The following LRMDA variants were observed in gnomAD, a reference collection of about 807,000 sequenced individuals.
LRMDA encodes leucine-rich melanocyte differentiation-associated protein.
A neutral mutation model predicts 29.8 loss-of-function variants in LRMDA; 18 were observed. That is an observed-to-expected ratio of 0.60 (90% CI 0.42 to 0.90). The LOEUF (loss-of-function observed/expected upper bound fraction) is 0.90. Ranked by LOEUF, LRMDA falls within the 40% of genes least tolerant of loss-of-function variation. LRMDA has a pLI of 0.00. For synonymous variants in LRMDA, 125 were observed against 109.4 expected (o/e 1.14, Z -0.89); for missense variants, 273 against 273.9 (o/e 1.00, Z 0.02).
chr10:76,297,968 C>T (rs573364651), intron 5 of LRMDA, among the ~76,000 whole-genome samples: 5 of 152,262 alleles, frequency 3.3e-5, no homozygotes, highest in African/African-American at 9.6e-5. Context: ...AAAATGCAGC[C>T]GCATGTGCCG....
intron 2 of LRMDA, among the ~76,000 whole-genome samples, chr10:75,509,305 G>T (rs1252075424): frequency 1.3e-5 from 2 of 152,102 alleles, no homozygotes; most frequent in Non-Finnish European, 2.9e-5. Flanking sequence ...ACACTCTTAA[G>T]CAATTTTACC....
At chr10:75,461,441 T>C (rs1396334452) in intron 2 of LRMDA, among the ~76,000 whole-genome samples, 1 of 152,104 alleles carries the variant, frequency 6.6e-6, no homozygotes, top group Non-Finnish European at 1.5e-5. Context: ...ATGGCCTACT[T>C]AGGGGAGAAG....
At chr10:75,585,906 A>G (rs1840649749) in intron 2 of LRMDA, among the ~76,000 whole-genome samples, 1 of 152,228 alleles carries the variant, frequency 6.6e-6, no homozygotes, top group Non-Finnish European at 1.5e-5. Context: ...GATACTTCAC[A>G]TAAGTGGAAT....
At chr10:75,550,114 A>T (rs1840124235) in intron 2 of LRMDA, among the ~76,000 whole-genome samples, 1 of 152,160 alleles carries the variant, frequency 6.6e-6, no homozygotes, top group Non-Finnish European at 1.5e-5. Context: ...TTGCTCAGAA[A>T]CTAGTCTGTC....
intron 5 of LRMDA, among the ~76,000 whole-genome samples, chr10:76,074,685 G>T (rs1321371047): frequency 1.3e-5 from 2 of 152,180 alleles, no homozygotes; most frequent in Non-Finnish European, 1.5e-5. Context: ...TTCCTATCAT[G>T]TCTGTAGCCC....
chr10:76,058,893 C>A, intron 5 of LRMDA, 110 bp downstream of exon 5: 1 of 833,226 alleles, frequency 1.2e-6, no homozygotes, highest in East Asian at 2.6e-5. Context: ...GTTGGAATCT[C>A]ACATGAAGGG....
intron 2 of LRMDA, among the ~76,000 whole-genome samples, chr10:75,661,268 C>T (rs1251954048): frequency 6.6e-6 from 1 of 152,186 alleles, no homozygotes; most frequent in East Asian, 1.9e-4. Context: ...GACCTGCACG[C>T]CTCGACTCTC....
intron 2 of LRMDA, among the ~76,000 whole-genome samples, chr10:75,814,173 G>T (rs1844017047): frequency 6.6e-6 from 1 of 152,194 alleles, no homozygotes; most frequent in Admixed American, 6.5e-5. Flanking sequence ...TTTTCTGTCT[G>T]GAAGACATGG....
chr10:76,544,815 T>G (rs1041287728), intron 6 of LRMDA, among the ~76,000 whole-genome samples: 2 of 151,892 alleles, frequency 1.3e-5, no homozygotes, highest in Non-Finnish European at 2.9e-5. Context: ...ATGAACATAT[T>G]TTACCATTTG....
chr10:75,463,115 C>T (rs1844607166), intron 2 of LRMDA, among the ~76,000 whole-genome samples: 1 of 152,172 alleles, frequency 6.6e-6, no homozygotes, highest in Non-Finnish European at 1.5e-5. Context: ...CCTGCATCCT[C>T]TTCTCTCTGC....
chr10:76,128,754 G>T (rs1215536170), intron 5 of LRMDA, among the ~76,000 whole-genome samples: 2 of 152,298 alleles, frequency 1.3e-5, no homozygotes, highest in East Asian at 3.9e-4. Context: ...CAAGGCGAGG[G>T]ACCTTTTTGG....
intron 5 of LRMDA, among the ~76,000 whole-genome samples, chr10:76,260,428 T>C (rs1839921244): frequency 6.6e-6 from 1 of 152,216 alleles, no homozygotes; most frequent in Admixed American, 6.5e-5. Context: ...TTATTTCTTC[T>C]TAATTTCTAA....
At chr10:76,136,622 A>AAAC (rs139686120) in intron 5 of LRMDA, among the ~76,000 whole-genome samples, 1 of 151,704 alleles carries the variant, frequency 6.6e-6, no homozygotes. Flanking sequence ...ATTAAAAAAA[A>AAAC]AGCAAAAATG....
At chr10:76,445,483 G>C (rs527843087) in intron 6 of LRMDA, among the ~76,000 whole-genome samples, 1 of 152,258 alleles carries the variant, frequency 6.6e-6, no homozygotes, top group East Asian at 1.9e-4. Context: ...TTATTTGTCT[G>C]TTACCTAAAC....
At chr10:76,404,987 G>A (rs1841888071) in intron 6 of LRMDA, among the ~76,000 whole-genome samples, 1 of 152,174 alleles carries the variant, frequency 6.6e-6, no homozygotes, top group Admixed American at 6.5e-5. Context: ...AAACTGGAAA[G>A]GCAAAAGGAA....
At chr10:75,602,852 T>C (rs1426844981) in intron 2 of LRMDA, among the ~76,000 whole-genome samples, 1 of 152,208 alleles carries the variant, frequency 6.6e-6, no homozygotes, top group Admixed American at 6.5e-5. Flanking sequence ...ATGAGTCTGT[T>C]CTCAAAAGCC....
intron 5 of LRMDA, among the ~76,000 whole-genome samples, chr10:76,205,618 T>A (rs760175679): frequency 2.0e-5 from 3 of 152,164 alleles, no homozygotes; most frequent in Non-Finnish European, 4.4e-5. Context: ...ATAATGCTAC[T>A]GAGAAAGTTA....
chr10:75,525,933 TAA>T (rs142153141), intron 2 of LRMDA, among the ~76,000 whole-genome samples: 1 of 151,958 alleles, frequency 6.6e-6, no homozygotes, highest in African/African-American at 2.4e-5. Flanking sequence ...TTCATTATAT[TAA>T]AAAAATTCCA....
chr10:76,298,227 A>G (rs140145937), intron 5 of LRMDA, among the ~76,000 whole-genome samples: 1 of 152,334 alleles, frequency 6.6e-6, no homozygotes, highest in East Asian at 1.9e-4. Context: ...TGCTGAGTAA[A>G]ACATCATGCT....
Sources: gnomAD v4.1 joint callset for allele counts (sites outside exome capture counted in the v4.1 genomes callset) on GRCh38, gnomAD v4.1.1 for gene constraint, MANE v1.5 for transcripts, NCBI Gene and HGNC (gene_info 2026-07-23, HGNC 2026-07-21) for gene names.